Variants in RAD51B observed in about 807,000 individuals in gnomAD.
RAD51B encodes RAD51 paralog B.
Under a neutral mutation model 42.2 loss-of-function variants are expected in RAD51B, and 38 were observed. That is an observed-to-expected ratio of 0.90 (90% CI 0.70 to 1.18). RAD51B has a LOEUF of 1.18. Ranked by LOEUF, RAD51B falls within the 50% of genes most tolerant of loss-of-function variation. The pLI is 0.00. For missense variants in RAD51B, 373 were observed against 400.7 expected (o/e 0.93, Z 0.59); for synonymous variants, 154 against 145.2 (o/e 1.06, Z -0.43).
intron 11 of RAD51B, among the ~76,000 whole-genome samples, chr14:68,661,432 T>C (rs1407781931): frequency 1.3e-5 from 2 of 152,118 alleles, no homozygotes; most frequent in Non-Finnish European, 2.9e-5. Context: ...ATGTGACTTG[T>C]TTGAGATCTT....
chr14:68,256,132 C>G (rs1309502796), intron 7 of RAD51B, among the ~76,000 whole-genome samples: 1 of 152,152 alleles, frequency 6.6e-6, no homozygotes, highest in East Asian at 1.9e-4. Context: ...GGTCAGGTGA[C>G]ACAGTGAGCT....
At chr14:68,005,772 C>T (rs746167469) in intron 7 of RAD51B, among the ~76,000 whole-genome samples, 4 of 152,044 alleles carry the variant, frequency 2.6e-5, no homozygotes, top group Non-Finnish European at 5.9e-5. Context: ...TAAAGAAATA[C>T]CTAATACTGG....
chr14:68,039,426 CAAAAAAA>C (rs754840073), intron 7 of RAD51B, among the ~76,000 whole-genome samples: 3 of 63,848 alleles, frequency 4.7e-5, no homozygotes, highest in Non-Finnish European at 7.3e-5. Context: ...GACTTCATTC[CAAAAAAA>C]AAAAAAAAAA....
At chr14:68,224,131 G>A (rs1290386388) in intron 7 of RAD51B, among the ~76,000 whole-genome samples, 2 of 152,184 alleles carry the variant, frequency 1.3e-5, no homozygotes, top group African/African-American at 4.8e-5. Context: ...ACTGTAAAAA[G>A]CAAATGACTT....
At chr14:68,426,844 T>C (rs1263431382) in intron 9 of RAD51B, among the ~76,000 whole-genome samples, 4 of 152,072 alleles carry the variant, frequency 2.6e-5, no homozygotes, top group Admixed American at 6.5e-5. Flanking sequence ...AGGCTGCCCC[T>C]CCCATCACAA....
chr14:68,194,555 G>A (rs1345064689), intron 7 of RAD51B, among the ~76,000 whole-genome samples: 1 of 152,202 alleles, frequency 6.6e-6, no homozygotes, highest in Non-Finnish European at 1.5e-5. Context: ...CAGCTGCTGT[G>A]TAGCTTTGAG....
intron 8 of RAD51B, among the ~76,000 whole-genome samples, chr14:68,336,709 A>T (rs1348387414): frequency 6.6e-6 from 1 of 152,144 alleles, no homozygotes; most frequent in East Asian, 1.9e-4. Context: ...GGTTTCTAGG[A>T]CCCAAATCAG....
At chr14:68,613,553 A>G (rs374068934), downstream of RAD51B, among the ~76,000 whole-genome samples, 14 of 151,110 alleles carry the variant, frequency 9.3e-5, no homozygotes, top group East Asian at 2.7e-3. Flanking sequence ...TCCCAGGTTC[A>G]TGCCATTCTC....
intron 7 of RAD51B, among the ~76,000 whole-genome samples, chr14:68,270,928 G>A (rs1489124988): frequency 6.6e-6 from 1 of 152,126 alleles, no homozygotes; most frequent in African/African-American, 2.4e-5. Flanking sequence ...AGATGTTAAA[G>A]GATTTCTCTT....
chr14:67,956,789 T>C (rs1011311335), intron 7 of RAD51B, among the ~76,000 whole-genome samples: 1 of 152,202 alleles, frequency 6.6e-6, no homozygotes, highest in Admixed American at 6.5e-5. Context: ...AAAATAAAAT[T>C]GAAAATTTAG....
chr14:67,869,066 A>T (rs2042430065), intron 5 of RAD51B, among the ~76,000 whole-genome samples: 1 of 152,246 alleles, frequency 6.6e-6, no homozygotes, highest in African/African-American at 2.4e-5. Flanking sequence ...CTCACCAGCA[A>T]CGGAACAAAG....
chr14:68,558,255 C>T (rs1012356356), intron 10 of RAD51B, among the ~76,000 whole-genome samples: 2 of 152,244 alleles, frequency 1.3e-5, no homozygotes, highest in African/African-American at 2.4e-5. Context: ...CCCACCCATG[C>T]CCCTGAGAGA....
chr14:67,865,535 C>CTTT lies in RAD51B; in HGVS notation c.452+415_452+417dup, dbSNP rs34247540. 8.0e-4 allele frequency among the ~76,000 whole-genome samples: 72 copies of CTTT among 89,964 alleles called. 2 individuals carry two copies. The highest frequency in any genetic ancestry group is 1.1e-3 in the Non-Finnish European group (48 of 45,016). 59.0% of individuals were successfully genotyped at this position (89,964 alleles called of 152,430 possible). On this transcript the variant is annotated intron_variant, in intron 5 of 10. Transcript: ENST00000471583. ...TATAGGCGTGAGCCACTGTGCCTGG[C>CTTT]TTTTTTTTTTTTTTTTTTTTTGAGA...
chr14:68,579,054 C>T (rs1890096380), intron 10 of RAD51B, among the ~76,000 whole-genome samples: 1 of 152,140 alleles, frequency 6.6e-6, no homozygotes, highest in African/African-American at 2.4e-5. Context: ...CCAGAAGGGT[C>T]TCCTGGCAGT....
At chr14:67,863,056 G>A (rs1227645828) in intron 4 of RAD51B, among the ~76,000 whole-genome samples, 2 of 151,510 alleles carry the variant, frequency 1.3e-5, no homozygotes, top group African/African-American at 4.9e-5. Flanking sequence ...CTCATAATCT[G>A]GCAAGCTATT....
intron 7 of RAD51B, among the ~76,000 whole-genome samples, chr14:68,203,476 A>G (rs537783129): frequency 6.6e-6 from 1 of 152,314 alleles, no homozygotes; most frequent in East Asian, 1.9e-4. Flanking sequence ...CTTCTAGAGC[A>G]CAGGCAAAGT....
intron 7 of RAD51B, among the ~76,000 whole-genome samples, chr14:68,278,074 C>A (rs187674668): frequency 2.2e-4 from 33 of 152,128 alleles, no homozygotes; most frequent in Admixed American, 1.1e-3. Context: ...GGCTCTTTTG[C>A]CTACCAGTGC....
At chr14:67,969,369 T>G (rs2140247081) in intron 7 of RAD51B, among the ~76,000 whole-genome samples, 1 of 152,334 alleles carries the variant, frequency 6.6e-6, no homozygotes, top group South Asian at 2.1e-4. Flanking sequence ...ACACTCTCTC[T>G]CCTTTCTTTC....
intron 7 of RAD51B, among the ~76,000 whole-genome samples, chr14:67,994,222 G>GT (rs911905622): frequency 2.3e-4 from 34 of 149,820 alleles, no homozygotes; most frequent in Non-Finnish European, 4.2e-4. Context: ...ACTAACCACT[G>GT]TTTTTTTCAA....
Sources: gnomAD v4.1 joint callset for allele counts (sites outside exome capture counted in the v4.1 genomes callset) on GRCh38, gnomAD v4.1.1 for gene constraint, MANE v1.5 for transcripts, NCBI Gene and HGNC (gene_info 2026-07-23, HGNC 2026-07-21) for gene names.